Variants in MAN2B2 observed in about 807,000 individuals in gnomAD.
MAN2B2 encodes mannosidase alpha class 2B member 2, also known as epididymis-specific alpha-mannosidase.
MAN2B2 carries 106 observed loss-of-function variants against 117.1 expected under a neutral mutation model. The observed-to-expected ratio is 0.90, with a 90% CI of 0.77 to 1.06. The LOEUF is 1.06. Ranked by LOEUF, MAN2B2 falls within the 50% of genes least tolerant of loss-of-function variation. The pLI is 0.00. For synonymous variants in MAN2B2, 544 were observed against 595.1 expected, an observed-to-expected ratio of 0.91 and a Z score of 1.25; for missense variants, 1,326 against 1,381.4, an observed-to-expected ratio of 0.96 and a Z score of 0.64.
At chr4:6,583,852 G>A (rs926614882) in intron 3 of MAN2B2, among the ~76,000 whole-genome samples, 15 of 152,154 alleles carry the variant, frequency 9.9e-5, no homozygotes, top group Admixed American at 3.3e-4. Flanking sequence ...TGGGCTACCC[G>A]CACTCACAGT....
intron 2 of MAN2B2, 63 bp from the exon 3 acceptor site, chr4:6,578,330 C>A: frequency 7.7e-7 from 1 of 1,292,082 alleles, no homozygotes; most frequent in Non-Finnish European, 1.1e-6. Context: ...GTGTGTTCCC[C>A]ACAGACCCAG....
At chr4:6,601,056 C>G (rs1353723806) in intron 10 of MAN2B2, among the ~76,000 whole-genome samples, 1 of 152,152 alleles carries the variant, frequency 6.6e-6, no homozygotes, top group Admixed American at 6.5e-5. Context: ...TTTCAGACAC[C>G]AGCCACAAAT....
At chr4:6,601,627 T>G (rs1238242321) in intron 10 of MAN2B2, among the ~76,000 whole-genome samples, 3 of 152,030 alleles carry the variant, frequency 2.0e-5, no homozygotes, top group Non-Finnish European at 4.4e-5. Context: ...AGCAGCCCCA[T>G]CCTGAAGCCA....
intron 3 of MAN2B2, 120 bp from the exon 4 acceptor site, chr4:6,586,876 G>A (rs1726649672): frequency 1.2e-6 from 1 of 809,166 alleles, no homozygotes. Flanking sequence ...GCATGACCCT[G>A]CCTGGCCCAG....
intron 3 of MAN2B2, among the ~76,000 whole-genome samples, chr4:6,583,116 G>C (rs141178603): frequency 6.6e-6 from 1 of 152,168 alleles, no homozygotes; most frequent in Non-Finnish European, 1.5e-5. Context: ...GTCTAGACTG[G>C]CTCACCCCAC....
At position 6,587,141 on chromosome 4, in the gene MAN2B2, C is replaced by T. The variant is rs1198723306; in HGVS notation, c.537C>T (p.Asp179=). Residue 179 remains aspartate (D), a synonymous_variant, in exon 4 of 19, where the codon GAC becomes GAT. Transcript: ENST00000285599. ...ACCTCGGCTCCCGGATCGACTACGA[C>T]CTGAAGGCAGCCATGCAGGAGGCCC... ...NAHLGSRIDY[D]LKAAMQEARG... is the part of the protein sequence containing the mutation. 1 of 1,613,526 alleles carries T rather than the reference C, an allele frequency of 6.2e-7. No homozygotes were observed. Among genetic ancestry groups the T allele is most frequent in the Non-Finnish European group, 8.5e-7 (1 of 1,179,876 alleles).
At chr4:6,588,268 C>G (rs1199251866) in intron 4 of MAN2B2, among the ~76,000 whole-genome samples, 1 of 152,218 alleles carries the variant, frequency 6.6e-6, no homozygotes, top group African/African-American at 2.4e-5. Flanking sequence ...CTCCAGGCCT[C>G]TCTCCTTGGC....
chr4:6,602,318 C>T (rs1490727927), intron 10 of MAN2B2, among the ~76,000 whole-genome samples: 1 of 152,238 alleles, frequency 6.6e-6, no homozygotes, highest in East Asian at 1.9e-4. Flanking sequence ...GTTCTGGAGG[C>T]AGGAAGTCCA....
At chr4:6,591,760 C>A (rs903495091) in intron 5 of MAN2B2, among the ~76,000 whole-genome samples, 1 of 152,086 alleles carries the variant, frequency 6.6e-6, no homozygotes, top group Non-Finnish European at 1.5e-5. Flanking sequence ...CAGTGGGGAC[C>A]AGGAGTGTGG....
intron 6 of MAN2B2, 25 bp from the exon 7 acceptor site, chr4:6,594,509 G>T: frequency 1.2e-6 from 2 of 1,609,280 alleles, no homozygotes; most frequent in Non-Finnish European, 1.7e-6. Flanking sequence ...CCACGGCACA[G>T]GATGTTGCTC....
At position 6,597,208 on chromosome 4, in the gene MAN2B2, A is replaced by G; in HGVS notation, c.1153A>G (p.Met385Val). The change falls in exon 8 of 19, where the codon ATG becomes GTG. Residue 385 changes from methionine to valine, a missense_variant. By Grantham distance (21) the Met-to-Val change is conservative. Coordinates refer to ENST00000285599, the MANE Select transcript of MAN2B2 (RefSeq NM_015274.3). ...CGCCTTGTTGTATGCCGGGGAGTCC[A>G]TGTTCACACGCTACCTGTGGCCGGC... ...ASALLYAGESMFTRYLWPAPR... is the reference protein window; with the variant it reads ...ASALLYAGESVFTRYLWPAPR... 4 of 1,611,420 alleles carry G rather than the reference A, an allele frequency of 2.5e-6. No homozygotes were observed. The highest frequency in any genetic ancestry group is 3.4e-6 in the Non-Finnish European group (4 of 1,179,056).
chr4:6,593,334 A>C lies in MAN2B2; in HGVS notation c.842A>C (p.His281Pro). 1.2e-6 allele frequency: 2 copies of C among 1,612,886 alleles called. No homozygotes were observed. The highest frequency in any genetic ancestry group is 1.7e-6 in the Non-Finnish European group (2 of 1,179,566). Residue 281 changes from histidine to proline, a missense_variant, in exon 6 of 19, where the codon CAC becomes CCC. His to Pro is a moderately conservative substitution (Grantham distance 77, BLOSUM62 -2). Coordinates refer to ENST00000285599, the MANE Select transcript of MAN2B2 (RefSeq NM_015274.3). The stretch of plus-strand genomic sequence containing the variant: ...AGGGCCGCCTGGTTCCGGACACCGC[A>C]CGTCCTCTGGCCCTGGGTAAGGCAG... Reference protein sequence around the residue: ...KQRAAWFRTPHVLWPWGCDKQ... With the variant: ...KQRAAWFRTPPVLWPWGCDKQ...
intron 13 of MAN2B2, 91 bp downstream of exon 13, chr4:6,610,141 G>GGCCAGTAGAA (rs1358740438): frequency 3.3e-6 from 5 of 1,515,840 alleles, no homozygotes; most frequent in Middle Eastern, 1.8e-4. Flanking sequence ...GGCCAGTAGA[G>GGCCAGTAGAA]GCCTCCAGTG....
chr4:6,609,791 C>T lies in MAN2B2; in HGVS notation c.2007-7C>T. The T allele has an allele frequency of 6.3e-7, 1 of 1,596,836 alleles. No homozygotes were observed. The highest frequency in any genetic ancestry group is 8.6e-7 in the Non-Finnish European group (1 of 1,168,498). ...GCTTCACTTACTGATGCTCCCTTCT[C>T]CTCCAGGAACATGACAGCACAGAAT... On this transcript the variant is annotated splice_polypyrimidine_tract_variant and splice_region_variant and intron_variant, in intron 12 of 18. Transcript: ENST00000285599.
chr4:6,610,989 A>G lies in MAN2B2; in HGVS notation c.2369A>G (p.Glu790Gly). Residue 790 changes from glutamate (E) to glycine (G), a missense_variant and splice_region_variant, in exon 14 of 19, where the codon GAG becomes GGG. Physicochemically the swap from Glu to Gly is moderately conservative, Grantham distance 98. Transcript: ENST00000285599. ...GISSQGNGQV[E>G]VMLHRRLWNN... Reference sequence around the variant, plus strand: ...TCCAGCCAAGGGAATGGGCAGGTGGAGGTAGGAGGCACGGTCTGTCCTACA... The same window carrying G: ...TCCAGCCAAGGGAATGGGCAGGTGGGGGTAGGAGGCACGGTCTGTCCTACA... 1 of 1,614,096 alleles carries G rather than the reference A, an allele frequency of 6.2e-7. No individual in the cohort carries two copies. Among genetic ancestry groups the G allele is most frequent in the Non-Finnish European group, 8.5e-7 (1 of 1,179,980 alleles).
At chr4:6,583,646 C>G (rs911693366) in intron 3 of MAN2B2, among the ~76,000 whole-genome samples, 10 of 152,100 alleles carry the variant, frequency 6.6e-5, no homozygotes, top group Non-Finnish European at 1.3e-4. Context: ...GACTGAGGGG[C>G]ATAAGGCAGA....
chr4:6,620,665 AGG>A, intron 18 of MAN2B2: 1 of 148,824 alleles, frequency 6.7e-6, no homozygotes, highest in Non-Finnish European at 1.4e-5. Context: ...TGGTGGTGGG[AGG>A]AAGGAAGGGA....
intron 11 of MAN2B2, among the ~76,000 whole-genome samples, chr4:6,605,949 A>T (rs1282468236): frequency 6.6e-6 from 1 of 152,162 alleles, no homozygotes; most frequent in East Asian, 1.9e-4. Flanking sequence ...GTATTCATTC[A>T]GCAGCTATTT....
chr4:6,610,986 T>A lies in MAN2B2; in HGVS notation c.2366T>A (p.Val789Glu), dbSNP rs752281118. The A allele has an allele frequency of 3.7e-6, 6 of 1,614,082 alleles. No individual in the cohort carries two copies. The highest frequency in any genetic ancestry group is 5.1e-6 in the Non-Finnish European group (6 of 1,179,986). The part of the protein sequence containing the change: ...HGISSQGNGQ[V>E]EVMLHRRLWN... ...ATCTCCAGCCAAGGGAATGGGCAGGTGGAGGTAGGAGGCACGGTCTGTCCT... is the reference window on the plus strand; with the variant it reads ...ATCTCCAGCCAAGGGAATGGGCAGGAGGAGGTAGGAGGCACGGTCTGTCCT... The change falls in exon 14 of 19, where the codon GTG becomes GAG. Residue 789 changes from valine (V) to glutamate (E), a missense_variant. Physicochemically the swap from Val to Glu is moderately radical, Grantham distance 121 (BLOSUM62 -2). Transcript: ENST00000285599.
Sources: gnomAD v4.1 joint callset for allele counts (sites outside exome capture counted in the v4.1 genomes callset) on GRCh38, gnomAD v4.1.1 for gene constraint, MANE v1.5 for transcripts, NCBI Gene and HGNC (gene_info 2026-07-23, HGNC 2026-07-21) for gene names.